Variants in PIP observed in about 807,000 individuals in gnomAD.
PIP encodes prolactin induced protein, also known as prolactin-inducible protein.
A neutral mutation model predicts 12.8 loss-of-function variants in PIP; 9 were observed. The ratio of observed to expected loss-of-function variants is 0.70; its 90% CI spans 0.42 to 1.23. The LOEUF (loss-of-function observed/expected upper bound fraction) is 1.23. Among genes scored for constraint, PIP ranks in the 50% most tolerant of loss-of-function variants. PIP has a pLI of 0.00. For synonymous variants in PIP, 60 were observed against 66.1 expected (o/e 0.91, Z 0.45); for missense variants, 172 against 179.5 (o/e 0.96, Z 0.24).
At position 143,134,232 on chromosome 7, in the gene PIP, ATAC is replaced by A. The variant is rs1563015904; in HGVS notation, c.96-961_96-959del. On this transcript the variant is annotated intron_variant, in intron 1 of 3. Transcript: ENST00000291009. ...TATATATATATATATATATATATAT[ATAC>A]CACAGTTTCTTTATCCACTCGTTGA... 2.6e-4 allele frequency among the ~76,000 whole-genome samples: 21 copies of A among 80,610 alleles called. 1 individual carries two copies. Among genetic ancestry groups the A allele is most frequent in the African/African-American group, 6.7e-4 (14 of 20,756 alleles). 52.9% of individuals were successfully genotyped at this position (80,610 alleles called of 152,430 possible).
chr7:143,135,489 G>A (rs968588534), intron 2 of PIP, among the ~76,000 whole-genome samples, 190 bp downstream of exon 2: 3 of 152,070 alleles, frequency 2.0e-5, no homozygotes, highest in Non-Finnish European at 2.9e-5. Context: ...AGATGAAGAA[G>A]TTCGAATCCA....
intron 1 of PIP, among the ~76,000 whole-genome samples, chr7:143,134,198 AT>A (rs1254410610): frequency 2.9e-4 from 20 of 69,156 alleles, no homozygotes; most frequent in African/African-American, 1.3e-3. Context: ...ATATATATAT[AT>A]ATATATATAT....
chr7:143,135,372 C>A, intron 2 of PIP, 73 bp downstream of exon 2: 1 of 716,006 alleles, frequency 1.4e-6, no homozygotes, highest in Non-Finnish European at 2.5e-6. Context: ...TTTAATCTCT[C>A]ACTTTAATAA....
intron 2 of PIP, 99 bp from the exon 3 acceptor site, chr7:143,138,976 C>T: frequency 2.8e-6 from 2 of 722,358 alleles, no homozygotes; most frequent in Admixed American, 3.8e-5. Flanking sequence ...CACCTCCACC[C>T]CCACTCTTCT....
At chr7:143,139,292 A>C in intron 3 of PIP, 103 bp downstream of exon 3, 1 of 864,136 alleles carries the variant, frequency 1.2e-6, no homozygotes, top group Non-Finnish European at 2.0e-6. Flanking sequence ...CCAGGACCTC[A>C]GGGCAGAAGG....
At chr7:143,137,855 G>A (rs1310132951) in intron 2 of PIP, among the ~76,000 whole-genome samples, 1 of 150,796 alleles carries the variant, frequency 6.6e-6, no homozygotes, top group East Asian at 1.9e-4. Flanking sequence ...AGCCACGTTC[G>A]CACCATTGCA....
At position 143,139,538 on chromosome 7, in the gene PIP, G is replaced by A. The variant is rs138163957; in HGVS notation, c.337G>A (p.Val113Ile). ...TTCAGGAACTGTGCAAATTGCAGCC[G>A]TCGTTGATGTTATTCGGGAATTAGG... ...YTNRTVQIAA[V>I]VDVIRELGIC... The change falls in exon 4 of 4, where the codon GTC becomes ATC. Residue 113 changes from valine (V) to isoleucine (I), a missense_variant. Val to Ile is a conservative substitution (Grantham distance 29). Coordinates refer to ENST00000291009, the MANE Select transcript of PIP (RefSeq NM_002652.3). 870 of 1,613,190 alleles carry A rather than the reference G, an allele frequency of 5.4e-4. 11 individuals carry two copies. The African/African-American group carries it at 8.9e-3, about 16-fold the overall frequency.
intron 1 of PIP, among the ~76,000 whole-genome samples, chr7:143,132,959 C>A (rs1328129403): frequency 2.0e-5 from 3 of 151,830 alleles, no homozygotes; most frequent in Non-Finnish European, 4.4e-5. Context: ...CTTGGAGGTA[C>A]TCTCTATGGC....
At chr7:143,132,255 G>C (rs1410950696) in intron 1 of PIP, 44 bp downstream of exon 1, 2 of 1,604,778 alleles carry the variant, frequency 1.2e-6, no homozygotes, top group African/African-American at 1.3e-5. Context: ...ATTGCAGGGA[G>C]GGCTCCTCTC....
At chr7:143,134,417 G>A (rs1189410933) in intron 1 of PIP, among the ~76,000 whole-genome samples, 2 of 151,000 alleles carry the variant, frequency 1.3e-5, no homozygotes, top group Non-Finnish European at 3.0e-5. Flanking sequence ...TCTATTTTTA[G>A]TTCTTTAAGG....
intron 1 of PIP, among the ~76,000 whole-genome samples, chr7:143,133,988 G>C (rs919937198): frequency 6.6e-6 from 1 of 150,874 alleles, no homozygotes; most frequent in African/African-American, 2.4e-5. Flanking sequence ...TTCCCCGCAA[G>C]TCCCCAAAGT....
chr7:143,132,494 A>T (rs1036814414), intron 1 of PIP, among the ~76,000 whole-genome samples: 3 of 152,140 alleles, frequency 2.0e-5, no homozygotes, highest in Admixed American at 2.0e-4. Flanking sequence ...TAACATGCTG[A>T]TCCACATCTT....
Position 143,139,698 on chromosome 7 carries a change from G to T in PIP, c.*56G>T. The T allele has an allele frequency of 6.5e-6, 10 of 1,538,160 alleles. No individual in the cohort carries two copies. In the South Asian group the frequency reaches 9.2e-5, roughly 14 times the overall value. ...TGATTTCCTCTAAAGAAACTTGGCT[G>T]GAATTTCTGCTGTGGTCTATAAAAT... is the stretch of plus-strand genomic sequence containing the variant. On this transcript the variant is annotated 3_prime_UTR_variant, in exon 4 of 4. Coordinates refer to ENST00000291009, the MANE Select transcript of PIP (RefSeq NM_002652.3).
chr7:143,136,012 G>C (rs1799306121), intron 2 of PIP, among the ~76,000 whole-genome samples: 1 of 152,054 alleles, frequency 6.6e-6, no homozygotes, highest in African/African-American at 2.4e-5. Flanking sequence ...AGACGCCCAA[G>C]GTACACCAAG....
At chr7:143,137,006 A>G (rs774505524) in intron 2 of PIP, among the ~76,000 whole-genome samples, 1 of 151,770 alleles carries the variant, frequency 6.6e-6, no homozygotes, top group Non-Finnish European at 1.5e-5. Flanking sequence ...AATTCTTACC[A>G]TCTAATCCTC....
chr7:143,139,268 C>A, intron 3 of PIP, 79 bp downstream of exon 3: 1 of 942,082 alleles, frequency 1.1e-6, no homozygotes. Context: ...AACATGGCTG[C>A]GAACCGAGCA....
At chr7:143,137,231 T>C (rs115746117) in intron 2 of PIP, among the ~76,000 whole-genome samples, 2,272 of 152,138 alleles carry the variant, frequency 0.015, 51 homozygotes, top group African/African-American at 0.052. Flanking sequence ...TTTCATGAAG[T>C]TTATGAAACA....
rs1231658931 is a variant in PIP, at chr7:143,135,210, A to C, written c.112A>C (p.Lys38Gln). ...AQDNTRKIIIKNFDIPKSVRP... is the reference protein window; with the variant it reads ...AQDNTRKIIIQNFDIPKSVRP... The stretch of plus-strand genomic sequence containing the variant: ...CACAATCAGTCGGAAGATCATAATA[A>C]AGAATTTTGACATTCCCAAGTCAGT... Residue 38 changes from lysine to glutamine, a missense_variant, in exon 2 of 4, where the codon AAG becomes CAG. Coordinates refer to ENST00000291009, the MANE Select transcript of PIP (RefSeq NM_002652.3). The C allele has an allele frequency of 6.4e-7, 1 of 1,573,988 alleles. No homozygotes were observed. The highest frequency in any genetic ancestry group is 8.7e-7 in the Non-Finnish European group (1 of 1,143,670).
At position 143,135,791 on chromosome 7, in the gene PIP, T is replaced by TC. The variant is rs534660973; in HGVS notation, c.201+493dup. Reference sequence around the variant, plus strand: ...CCTTCTTCTGCTCCTTTGCTCTGGGTCACCAGAAGTGGACTCTTGTTCCAG... The same window carrying TC: ...CCTTCTTCTGCTCCTTTGCTCTGGGTCCACCAGAAGTGGACTCTTGTTCCAG... On this transcript the variant is annotated intron_variant, in intron 2 of 3. Coordinates refer to ENST00000291009, the MANE Select transcript of PIP (RefSeq NM_002652.3). Among the ~76,000 whole-genome samples, 37 of 152,004 alleles carry TC rather than the reference T, an allele frequency of 2.4e-4. 1 individual carries two copies. Among genetic ancestry groups the TC allele is most frequent in the Non-Finnish European group, 4.7e-4 (32 of 67,956 alleles).
Sources: gnomAD v4.1 joint callset for allele counts (sites outside exome capture counted in the v4.1 genomes callset) on GRCh38, gnomAD v4.1.1 for gene constraint, MANE v1.5 for transcripts, NCBI Gene and HGNC (gene_info 2026-07-23, HGNC 2026-07-21) for gene names.